PDE11A: variants seen among roughly 807,000 people sequenced by gnomAD.
PDE11A encodes dual 3',5'-cyclic-AMP and -GMP phosphodiesterase 11A.
PDE11A carries 100 observed loss-of-function variants against 100.5 expected under a neutral mutation model. The observed-to-expected ratio is 1.00, with a 90% confidence interval of 0.85 to 1.18. The LOEUF (loss-of-function observed/expected upper bound fraction) is 1.18, where lower values mean the gene tolerates loss of function less well. PDE11A is among the 50% of genes most tolerant of loss of function. PDE11A has a pLI of 0.00. For synonymous variants in PDE11A, 381 were observed against 420.8 expected, an observed-to-expected ratio of 0.91 and a Z score of 1.16; for missense variants, 1,141 against 1,152.6, an observed-to-expected ratio of 0.99 and a Z score of 0.15.
chr2:177,701,588 G>A (rs972881463), intron 13 of PDE11A, among the ~76,000 whole-genome samples: 10 of 152,156 alleles, frequency 6.6e-5, no homozygotes, highest in African/African-American at 1.9e-4. Flanking sequence ...AGGTCCAATC[G>A]AAGTGCTATG....
chr2:177,922,063 T>A (rs1574280950), intron 2 of PDE11A: 1 of 152,160 alleles, frequency 6.6e-6, no homozygotes. Flanking sequence ...CAGAATGACT[T>A]TTTTCCCATC....
At chr2:178,068,765 T>C (rs1005986004) in intron 1 of PDE11A, among the ~76,000 whole-genome samples, 3 of 152,022 alleles carry the variant, frequency 2.0e-5, no homozygotes, top group East Asian at 1.9e-4. Context: ...TGGAGGAAAA[T>C]GCTAGAACTG....
chr2:177,991,794 T>A (rs558522040), intron 2 of PDE11A, among the ~76,000 whole-genome samples: 1 of 151,154 alleles, frequency 6.6e-6, no homozygotes, highest in African/African-American at 2.4e-5. Context: ...AGTTTTTAAG[T>A]GCTGCAAAAC....
At chr2:177,946,376 A>AG (rs2085430252) in intron 2 of PDE11A, among the ~76,000 whole-genome samples, 1 of 101,618 alleles carries the variant, frequency 9.8e-6, no homozygotes, top group East Asian at 3.5e-4. Context: ...CCGGGAGGTG[A>AG]GGGGCGCCTC....
chr2:177,893,484 A>G (rs1392828282), intron 4 of PDE11A, among the ~76,000 whole-genome samples: 1 of 152,134 alleles, frequency 6.6e-6, no homozygotes, highest in African/African-American at 2.4e-5. Context: ...AAACCCATTT[A>G]GCTGTTCCTG....
chr2:177,743,391 A>G (rs1279703914), intron 10 of PDE11A, among the ~76,000 whole-genome samples: 3 of 152,248 alleles, frequency 2.0e-5, no homozygotes, highest in South Asian at 2.1e-4. Flanking sequence ...GAAGGACAGG[A>G]AAGTGAAGGG....
chr2:177,786,966 A>G (rs1057353393), intron 9 of PDE11A, among the ~76,000 whole-genome samples: 3 of 149,502 alleles, frequency 2.0e-5, no homozygotes, highest in African/African-American at 7.5e-5. Context: ...AACACTCTGC[A>G]GGACATTATC....
chr2:177,715,947 A>C (rs560438576), intron 12 of PDE11A, among the ~76,000 whole-genome samples: 5 of 152,280 alleles, frequency 3.3e-5, no homozygotes, highest in African/African-American at 9.6e-5. Context: ...TCACGGGGTG[A>C]CTGTGTGGCC....
chr2:178,030,987 A>G (rs6433708), intron 1 of PDE11A, among the ~76,000 whole-genome samples: 146,398 of 152,264 alleles, frequency 0.96, 70,617 homozygotes, highest in East Asian at 1. Flanking sequence ...CACTTTTTAT[A>G]ACCAAGTTGA....
At position 177,742,039 on chromosome 2, in the gene PDE11A, G is replaced by GAAA. The variant is rs71410757; in HGVS notation, c.1789-13870_1789-13868dup. Among the ~76,000 whole-genome samples, 533 of 138,252 alleles carry GAAA rather than the reference G, an allele frequency of 3.9e-3. 6 individuals carry two copies. The highest frequency in any genetic ancestry group is 0.014 in the African/African-American group (501 of 36,410). 90.7% of individuals were successfully genotyped at this position (138,252 alleles called of 152,430 possible). ...AACAGAGTGAGACACTGTCTCTTAA[G>GAAA]AAAAAAAAAAAAAAAGATAAGGATC... On this transcript the variant is annotated intron_variant, in intron 10 of 19. Transcript: ENST00000286063.
At chr2:177,697,906 G>A (rs1311989087) in intron 14 of PDE11A, among the ~76,000 whole-genome samples, 1 of 152,208 alleles carries the variant, frequency 6.6e-6, no homozygotes, top group Non-Finnish European at 1.5e-5. Flanking sequence ...TAGAACAGTG[G>A]TTCTCAGCTG....
At chr2:178,101,386 A>T (rs1043775448) in intron 2 of PDE11A, among the ~76,000 whole-genome samples, 1 of 152,224 alleles carries the variant, frequency 6.6e-6, no homozygotes, top group African/African-American at 2.4e-5. Context: ...TCACTCTCCC[A>T]ACACATGGAT....
chr2:178,010,108 T>C (rs772421564), intron 2 of PDE11A, among the ~76,000 whole-genome samples: 1 of 152,240 alleles, frequency 6.6e-6, no homozygotes, highest in Non-Finnish European at 1.5e-5. Context: ...TTATCTATTT[T>C]ACTCCACACA....
intron 9 of PDE11A, among the ~76,000 whole-genome samples, chr2:177,813,560 A>G (rs6739044): frequency 9.2e-5 from 14 of 151,840 alleles, no homozygotes; most frequent in Non-Finnish European, 2.1e-4. Context: ...TCCAGGGAAT[A>G]TATATGGAGA....
intron 4 of PDE11A, among the ~76,000 whole-genome samples, chr2:177,896,595 C>A (rs1206450263): frequency 6.6e-6 from 1 of 152,096 alleles, no homozygotes; most frequent in African/African-American, 2.4e-5. Flanking sequence ...TCTCTGTGGC[C>A]CTGAAATCTG....
intron 5 of PDE11A, among the ~76,000 whole-genome samples, chr2:177,874,720 T>C (rs1222684962): frequency 6.6e-6 from 1 of 152,152 alleles, no homozygotes; most frequent in Non-Finnish European, 1.5e-5. Context: ...AAAAATAAAG[T>C]AAAAAATTAG....
intron 9 of PDE11A, among the ~76,000 whole-genome samples, chr2:177,780,151 C>T (rs2082433642): frequency 6.6e-6 from 1 of 152,058 alleles, no homozygotes; most frequent in African/African-American, 2.4e-5. Context: ...CAATGGGAGG[C>T]CTAAAACATT....
intron 13 of PDE11A, among the ~76,000 whole-genome samples, chr2:177,709,234 A>G (rs2081323661): frequency 6.6e-6 from 1 of 152,210 alleles, no homozygotes. Flanking sequence ...ATGGCTTTTA[A>G]GCAGGGGAGT....
intron 4 of PDE11A, among the ~76,000 whole-genome samples, chr2:177,893,774 G>A (rs1282226260): frequency 6.6e-6 from 1 of 152,102 alleles, no homozygotes. Context: ...TATGTTCATT[G>A]ATAATAATAA....
Sources: gnomAD v4.1 joint callset for allele counts (sites outside exome capture counted in the v4.1 genomes callset) on GRCh38, gnomAD v4.1.1 for gene constraint, MANE v1.5 for transcripts, NCBI Gene and HGNC (gene_info 2026-07-23, HGNC 2026-07-21) for gene names.